PEX3: variants seen among roughly 807,000 people sequenced by gnomAD.
The protein encoded by PEX3 is peroxisomal biogenesis factor 3, also known as peroxin-3.
Under a neutral mutation model 55.8 loss-of-function variants are expected in PEX3, and 30 were observed. The ratio of observed to expected loss-of-function variants is 0.54; its 90% confidence interval spans 0.40 to 0.73. PEX3 has a LOEUF of 0.73. PEX3 is among the 30% of genes least tolerant of loss of function. PEX3 has a pLI of 0.00. For missense variants in PEX3, 351 were observed against 432.8 expected (o/e 0.81, Z 1.68); for synonymous variants, 135 against 148.4 (o/e 0.91, Z 0.66).
chr6:143,483,343 A>G lies in PEX3; in HGVS notation c.942-1809A>G, dbSNP rs941703055. On this transcript the variant is annotated intron_variant, in intron 10 of 11. Coordinates refer to ENST00000367591, the MANE Select transcript of PEX3 (RefSeq NM_003630.3). This position sits in a 1 kb window ranked among gnomAD's most constrained non-coding sequence, Gnocchi z 4.3. The stretch of plus-strand genomic sequence containing the variant: ...AAAGGAGAAGAACACTGAACGTATA[A>G]TAGAAAAATTTAAACAAAAGTAGAC... Among the ~76,000 whole-genome samples the G allele has an allele frequency of 6.6e-6, 1 of 152,208 alleles. No homozygotes were observed. The highest frequency in any genetic ancestry group is 6.5e-5 in the Admixed American group (1 of 15,270).
chr6:143,480,839 C>G (rs1467631453), intron 10 of PEX3, among the ~76,000 whole-genome samples: 2 of 151,948 alleles, frequency 1.3e-5, no homozygotes, highest in Non-Finnish European at 2.9e-5. Context: ...AGGGAGAGAC[C>G]CTATCTCTAC....
chr6:143,455,620 A>G (rs554405001), intron 1 of PEX3, among the ~76,000 whole-genome samples: 2 of 152,258 alleles, frequency 1.3e-5, no homozygotes, highest in African/African-American at 2.4e-5. Context: ...AAATGATGGC[A>G]AGATGTTGAA....
chr6:143,463,613 TG>T lies in PEX3; in HGVS notation c.287+618del, dbSNP rs975206129. Among the ~76,000 whole-genome samples, 3 of 148,934 alleles carry T rather than the reference TG, an allele frequency of 2.0e-5. No individual in the cohort carries two copies. Among genetic ancestry groups the T allele is most frequent in the African/African-American group, 7.3e-5 (3 of 40,850 alleles). ...GTTTGAGAAGACTTCCAGCAGGAAA[TG>T]GCTTCTTATTTTGATGACAATGATG... On this transcript the variant is annotated intron_variant, in intron 3 of 11. Transcript: ENST00000367591. This position sits in a 1 kb window ranked among gnomAD's most constrained non-coding sequence, Gnocchi z 5.7.
rs769471550 is a variant in PEX3, at chr6:143,471,078, A to T, written c.449A>T (p.Asn150Ile). 6.2e-7 allele frequency: 1 copy of T among 1,613,546 alleles called. No homozygotes were observed. ...CTGGATAATGCAGCAGTTGGCAAAA[A>T]TGGCACTGTAAGTTTAATAGACTTA... ...IYLDNAAVGKNGTTILAPPDV... is the reference protein window; with the variant it reads ...IYLDNAAVGKIGTTILAPPDV... Residue 150 changes from asparagine (N) to isoleucine (I), a missense_variant, in exon 5 of 12, where the codon AAT becomes ATT. Transcript: ENST00000367591. The surrounding 1 kb of genome is among the most constrained non-coding windows in gnomAD (Gnocchi z 5.4).
At chr6:143,478,344 A>T (rs1780180998) in intron 9 of PEX3, among the ~76,000 whole-genome samples, 1 of 152,132 alleles carries the variant, frequency 6.6e-6, no homozygotes, top group Admixed American at 6.5e-5. Context: ...AACTATGCAA[A>T]TTTACTCAAA....
intron 9 of PEX3, among the ~76,000 whole-genome samples, chr6:143,477,112 G>A (rs1780163837): frequency 1.3e-5 from 2 of 152,176 alleles, no homozygotes; most frequent in East Asian, 3.8e-4. Context: ...GATTGATCTT[G>A]TTGAGAAGTT....
Position 143,472,531 on chromosome 6 carries a change from T to A in PEX3, c.747+203T>A, listed in dbSNP as rs1056844656. ...AGAAGCACTTAACAATTTTAGATAT[T>A]CAGTACATTTTTATTATCAGGTATG... On this transcript the variant is annotated intron_variant, in intron 8 of 11. Transcript: ENST00000367591. Among the ~76,000 whole-genome samples, 4 of 152,276 alleles carry A rather than the reference T, an allele frequency of 2.6e-5. No individual in the cohort carries two copies. The South Asian group carries it at 8.3e-4, about 32-fold the overall frequency.
Position 143,459,078 on chromosome 6 carries a change from A to T in PEX3, c.74-7A>T. ...TAATGAATATAGTACTTTTTTAATG[A>T]TTGTAGGAGTATATATTCTGGGGAA... On this transcript the variant is annotated splice_polypyrimidine_tract_variant and splice_region_variant and intron_variant, in intron 1 of 11. Coordinates refer to ENST00000367591, the MANE Select transcript of PEX3 (RefSeq NM_003630.3). This position sits in a 1 kb window ranked among gnomAD's most constrained non-coding sequence, Gnocchi z 4.2. 1 of 1,567,442 alleles carries T rather than the reference A, an allele frequency of 6.4e-7. No homozygotes were observed. The highest frequency in any genetic ancestry group is 8.8e-7 in the Non-Finnish European group (1 of 1,137,774).
chr6:143,474,718 G>A (rs1780127630), intron 8 of PEX3, 68 bp from the exon 9 acceptor site: 3 of 842,670 alleles, frequency 3.6e-6, no homozygotes, highest in Non-Finnish European at 6.3e-6. Flanking sequence ...ATTTATGAAT[G>A]TGATTAGTTT....
At position 143,471,363 on chromosome 6, in the gene PEX3, T is replaced by C. The variant is rs752448283; in HGVS notation, c.457-20T>C. ...CAGTTTAAAACTTGGATAATTGAAC[T>C]GTATTTCTGTTTTATACAGACAATT... On this transcript the variant is annotated intron_variant, in intron 5 of 11. Transcript: ENST00000367591. The surrounding 1 kb of genome is among the most constrained non-coding windows in gnomAD (Gnocchi z 5.4). 2.6e-5 allele frequency: 40 copies of C among 1,549,040 alleles called. No homozygotes were observed. The South Asian group carries it at 4.1e-4, about 16-fold the overall frequency.
rs1032401484 is a variant in PEX3, at chr6:143,482,023, G to T, written c.941+2825G>T. Among the ~76,000 whole-genome samples, 1 of 152,044 alleles carries T rather than the reference G, an allele frequency of 6.6e-6. No homozygotes were observed. The highest frequency in any genetic ancestry group is 1.9e-4 in the East Asian group (1 of 5,188). On this transcript the variant is annotated intron_variant, in intron 10 of 11. Transcript: ENST00000367591. This position sits in a 1 kb window ranked among gnomAD's most constrained non-coding sequence, Gnocchi z 5.5. ...AAATCAAAAGCAAATATACTTAATA[G>T]TAAAACTGGAATGATTTCCATTAAG...
rs951868228 is a variant in PEX3 at position 143,453,257 on chromosome 6, A to G, written c.73+2142A>G. ...GCATATGCAGTTGTGAAAAATCAGG[A>G]AGAATTTCATGGAAGAAGAGACACA... On this transcript the variant is annotated intron_variant, in intron 1 of 11. Transcript: ENST00000367591. This position sits in a 1 kb window ranked among gnomAD's most constrained non-coding sequence, Gnocchi z 4.6. Among the ~76,000 whole-genome samples the G allele has an allele frequency of 6.6e-6, 1 of 152,258 alleles. No individual in the cohort carries two copies. Among genetic ancestry groups the G allele is most frequent in the African/African-American group, 2.4e-5 (1 of 41,472 alleles).
chr6:143,481,151 TATATATATATATATATATAAA>T (rs1232279960), intron 10 of PEX3, among the ~76,000 whole-genome samples: 1 of 41,394 alleles, frequency 2.4e-5, no homozygotes, highest in Non-Finnish European at 3.6e-5. Context: ...CTTTAATTTA[TATATATATATATATATATAAA>T]ATATATATGC....
intron 1 of PEX3, among the ~76,000 whole-genome samples, chr6:143,457,549 G>A: frequency 6.6e-6 from 1 of 152,152 alleles, no homozygotes; most frequent in East Asian, 1.9e-4. Flanking sequence ...AGTTGCTAGA[G>A]GGCTACCCAC....
chr6:143,465,229 T>C lies in PEX3; in HGVS notation c.287+2232T>C, dbSNP rs1779975934. 6.6e-6 allele frequency among the ~76,000 whole-genome samples: 1 copy of C among 152,014 alleles called. No individual in the cohort carries two copies. The highest frequency in any genetic ancestry group is 1.5e-5 in the Non-Finnish European group (1 of 67,868). On this transcript the variant is annotated intron_variant, in intron 3 of 11. Coordinates refer to ENST00000367591, the MANE Select transcript of PEX3 (RefSeq NM_003630.3). This position sits in a 1 kb window ranked among gnomAD's most constrained non-coding sequence, Gnocchi z 4.7. The stretch of plus-strand genomic sequence containing the variant: ...TTGAAAGGAATATTTGTGTTGAAGG[T>C]ACTTTTCTCTGTTCTACATAGATTT...
Position 143,471,474 on chromosome 6 carries a change from A to T in PEX3, c.523+25A>T, listed in dbSNP as rs13203340. On this transcript the variant is annotated intron_variant, in intron 6 of 11. Coordinates refer to ENST00000367591, the MANE Select transcript of PEX3 (RefSeq NM_003630.3). This position sits in a 1 kb window ranked among gnomAD's most constrained non-coding sequence, Gnocchi z 5.4. ...GGTAAGATTCTTATTTGTGACTTTT[A>T]TACTAATTTTAATTCATTTATTTTT... 7.7e-6 allele frequency: 12 copies of T among 1,568,046 alleles called. No individual in the cohort carries two copies. Among genetic ancestry groups the T allele is most frequent in the African/African-American group, 5.4e-5 (4 of 73,938 alleles).
At chr6:143,473,222 G>A (rs1217744960) in intron 8 of PEX3, among the ~76,000 whole-genome samples, 1 of 152,072 alleles carries the variant, frequency 6.6e-6, no homozygotes, top group Non-Finnish European at 1.5e-5. Context: ...TGGGTGCTGA[G>A]AGATCCTACA....
At position 143,464,730 on chromosome 6, in the gene PEX3, C is replaced by G. The variant is rs1238051625; in HGVS notation, c.287+1733C>G. Among the ~76,000 whole-genome samples the G allele has an allele frequency of 1.3e-5, 2 of 151,654 alleles. No homozygotes were observed. The highest frequency in any genetic ancestry group is 2.4e-5 in the African/African-American group (1 of 41,358). ...TTTGGTGGGGGGAGAAGGGTAATAT[C>G]CATTTGAAAAATATTTGCATAAATA... On this transcript the variant is annotated intron_variant, in intron 3 of 11. Coordinates refer to ENST00000367591, the MANE Select transcript of PEX3 (RefSeq NM_003630.3). The surrounding 1 kb of genome is among the most constrained non-coding windows in gnomAD (Gnocchi z 5.8).
rs1288130511 is a variant in PEX3 at position 143,475,387 on chromosome 6, C to T, written c.818+531C>T. ...GTGTTTCCAACCTGGTGCAGCAGCT[C>T]ATGCTTGTAATCCCAGCACTTTGAG... On this transcript the variant is annotated intron_variant, in intron 9 of 11. Coordinates refer to ENST00000367591, the MANE Select transcript of PEX3 (RefSeq NM_003630.3). This position sits in a 1 kb window ranked among gnomAD's most constrained non-coding sequence, Gnocchi z 4.4. 6.6e-6 allele frequency among the ~76,000 whole-genome samples: 1 copy of T among 152,140 alleles called. No homozygotes were observed. The highest frequency in any genetic ancestry group is 1.9e-4 in the East Asian group (1 of 5,204).
Sources: allele counts gnomAD v4.1 joint callset (sites outside exome capture counted in the v4.1 genomes callset), GRCh38; gene constraint gnomAD v4.1.1; non-coding constraint Gnocchi (gnomAD v3.1); transcripts MANE v1.5; gene names NCBI Gene and HGNC (gene_info 2026-07-23, HGNC 2026-07-21).